SYNE1: variants seen among roughly 807,000 people sequenced by gnomAD.
SYNE1 encodes spectrin repeat containing nuclear envelope protein 1.
A neutral mutation model predicts 1,111.0 loss-of-function variants in SYNE1; 616 were observed. The observed-to-expected ratio is 0.55, with a 90% CI of 0.52 to 0.59. The LOEUF (loss-of-function observed/expected upper bound fraction) is 0.59, where lower values mean the gene tolerates loss of function less well. Among genes scored for constraint, SYNE1 ranks in the 20% least tolerant of loss-of-function variants. The probability of loss-of-function intolerance (pLI) is 0.00; values close to 1 mark genes in which losing one functional copy is unlikely to be tolerated. For missense variants in SYNE1, 10,006 were observed against 10,417.0 expected (o/e 0.96, Z 1.72); for synonymous variants, 3,855 against 3,825.8 (o/e 1.01, Z -0.28).
chr6:152,261,934 T>C, intron 101 of SYNE1, 98 bp downstream of exon 101: 1 of 1,027,540 alleles, frequency 9.7e-7, no homozygotes, highest in Non-Finnish European at 1.4e-6. Flanking sequence ...TAGTTTGAAA[T>C]TGATCATGAA....
In SYNE1 at chr6:152,328,379, AT is replaced by A. The variant is rs1554460764; in HGVS notation, c.14955+1350del. On this transcript the variant is annotated intron_variant, in intron 78 of 145. Transcript: ENST00000367255. ...GGCACTATTTTTCTCTTCTTATTTT[AT>A]TTTATTTATTTATTTATTTATTTAT... Among the ~76,000 whole-genome samples the A allele has an allele frequency of 3.7e-3, 455 of 122,178 alleles. 4 individuals are homozygous for A. Among genetic ancestry groups the A allele is most frequent in the African/African-American group, 0.012 (409 of 34,398 alleles). 80.2% of individuals were successfully genotyped at this position (122,178 alleles called of 152,430 possible). A position where few individuals can be genotyped will look rare whatever the true frequency, so the allele number is the denominator to read the frequency against.
intron 31 of SYNE1, among the ~76,000 whole-genome samples, chr6:152,441,814 T>C (rs188920159): frequency 6.6e-6 from 1 of 152,368 alleles, no homozygotes; most frequent in East Asian, 1.9e-4. Flanking sequence ...ATCCTGGCTT[T>C]ATTATTGATC....
At chr6:152,570,520 C>A (rs948169324) in intron 3 of SYNE1, among the ~76,000 whole-genome samples, 1 of 152,156 alleles carries the variant, frequency 6.6e-6, no homozygotes, top group African/African-American at 2.4e-5. Flanking sequence ...CAACTTGACC[C>A]TTTTGGGGAG....
intron 138 of SYNE1, 28 bp from the exon 139 acceptor site, chr6:152,141,357 G>A: frequency 1.2e-6 from 2 of 1,612,832 alleles, no homozygotes; most frequent in Non-Finnish European, 1.7e-6. Context: ...ACCGGCCCCT[G>A]TCACCCAAAT....
At chr6:152,401,466 C>A in intron 46 of SYNE1, 125 bp from the exon 47 acceptor site, 3 of 924,736 alleles carry the variant, frequency 3.2e-6, no homozygotes, top group East Asian at 2.6e-5. Flanking sequence ...AAGCCAGCTC[C>A]AATGTTAATA....
chr6:152,405,190 A>G (rs1224116812), intron 45 of SYNE1, among the ~76,000 whole-genome samples: 2 of 152,192 alleles, frequency 1.3e-5, no homozygotes, highest in African/African-American at 4.8e-5. Context: ...TTTATTAGCT[A>G]GTGTGTCACA....
chr6:152,620,365 A>T (rs981865498), intron 3 of SYNE1, among the ~76,000 whole-genome samples: 2 of 152,096 alleles, frequency 1.3e-5, no homozygotes, highest in Non-Finnish European at 2.9e-5. Context: ...CACAGCTTTA[A>T]ACACTATCTC....
intron 3 of SYNE1, among the ~76,000 whole-genome samples, chr6:152,621,433 T>G (rs768379887): frequency 6.6e-6 from 1 of 152,208 alleles, no homozygotes; most frequent in Non-Finnish European, 1.5e-5. Flanking sequence ...ACACTCTTAC[T>G]TTTAGAGGCC....
Position 152,551,207 on chromosome 6 carries a change from C to T in SYNE1, c.68-11186G>A, listed in dbSNP as rs74888217. On this transcript the variant is annotated intron_variant, in intron 3 of 145. Coordinates refer to ENST00000367255, the MANE Select transcript of SYNE1 (RefSeq NM_182961.4). ...CTTGAACTTATTCATGTTTTGTATA[C>T]ATTTCTCATTTGGATTCTCACAAAT... 8.9e-4 allele frequency among the ~76,000 whole-genome samples: 136 copies of T among 152,244 alleles called. 1 individual carries two copies. Among genetic ancestry groups the T allele is most frequent in the Middle Eastern group, 3.4e-3 (1 of 294 alleles).
intron 123 of SYNE1, among the ~76,000 whole-genome samples, chr6:152,212,587 A>T (rs1385295779): frequency 6.6e-6 from 1 of 152,186 alleles, no homozygotes. Context: ...CCTATAAATA[A>T]TGTACTTACA....
chr6:152,376,599 A>T, intron 57 of SYNE1, 41 bp from the exon 58 acceptor site: 1 of 1,608,238 alleles, frequency 6.2e-7, no homozygotes, highest in Non-Finnish European at 8.5e-7. Context: ...GGAAAAAGCG[A>T]TAAAGTTGAT....
At chr6:152,589,591 C>A (rs552330425) in intron 3 of SYNE1, among the ~76,000 whole-genome samples, 32 of 152,254 alleles carry the variant, frequency 2.1e-4, no homozygotes, top group African/African-American at 7.7e-4. Context: ...GTCAACATTT[C>A]ATCCATCAAT....
In SYNE1 at chr6:152,443,073, C is replaced by T. The variant is rs142864635; in HGVS notation, c.3838-828G>A. Among the ~76,000 whole-genome samples the T allele has an allele frequency of 3.0e-3, 463 of 152,214 alleles. 6 individuals carry two copies. The highest frequency in any genetic ancestry group is 9.7e-3 in the African/African-American group (402 of 41,526). On this transcript the variant is annotated intron_variant, in intron 30 of 145. Coordinates refer to ENST00000367255, the MANE Select transcript of SYNE1 (RefSeq NM_182961.4). Reference sequence around the variant, plus strand: ...AGTATAATCTTCAAATAGAATAGTACATAAATCTCAGATATGCAGCTTATA... The same window carrying T: ...AGTATAATCTTCAAATAGAATAGTATATAAATCTCAGATATGCAGCTTATA...
Position 152,321,344 on chromosome 6 carries a change from A to AT in SYNE1, c.16129dup (p.Met5377AsnfsTer19). 6.2e-7 allele frequency: 1 copy of AT among 1,613,878 alleles called. No homozygotes were observed. Among genetic ancestry groups the AT allele is most frequent in the Non-Finnish European group, 8.5e-7 (1 of 1,179,908 alleles). On this transcript the variant is annotated frameshift_variant, in exon 84 of 146. Transcript: ENST00000367255. LOFTEE classifies it high-confidence loss of function. Reference sequence around the variant, plus strand: ...GTACTTCTCCTTCTGTTCTTCTGCCATTTTTTCAATGTTCTGTCGGTGATT... The same window carrying AT: ...GTACTTCTCCTTCTGTTCTTCTGCCATTTTTTTCAATGTTCTGTCGGTGATT...
intron 59 of SYNE1, among the ~76,000 whole-genome samples, chr6:152,370,077 C>T (rs1052003614): frequency 3.3e-5 from 5 of 149,366 alleles, no homozygotes; most frequent in Admixed American, 3.3e-4. Flanking sequence ...GGCACAAACA[C>T]AATTTTTGAA....
intron 140 of SYNE1, 93 bp from the exon 141 acceptor site, chr6:152,136,911 A>G: frequency 1.1e-5 from 15 of 1,424,632 alleles, no homozygotes; most frequent in Non-Finnish European, 1.5e-5. Flanking sequence ...AGATCCATTA[A>G]TTTAAACTGG....
chr6:152,462,224 T>A (rs1307424641), intron 20 of SYNE1, among the ~76,000 whole-genome samples: 1 of 152,054 alleles, frequency 6.6e-6, no homozygotes, highest in East Asian at 1.9e-4. Context: ...TATCTATACA[T>A]CATTAAGTTT....
At chr6:152,450,503 G>C (rs1009068236) in intron 27 of SYNE1, 122 bp downstream of exon 27, 1 of 1,001,158 alleles carries the variant, frequency 1.0e-6, no homozygotes, top group Admixed American at 1.7e-5. Context: ...TTAAATGAAG[G>C]ATTTTTGTAC....
At chr6:152,495,481 T>C (rs759733615) in intron 11 of SYNE1, among the ~76,000 whole-genome samples, 1 of 152,218 alleles carries the variant, frequency 6.6e-6, no homozygotes, top group Admixed American at 6.5e-5. Flanking sequence ...AGAATCAATA[T>C]GTCAGTAGGT....
Sources: gnomAD v4.1 joint callset for allele counts (sites outside exome capture counted in the v4.1 genomes callset) on GRCh38, gnomAD v4.1.1 for gene constraint, MANE v1.5 for transcripts, NCBI Gene and HGNC (gene_info 2026-07-23, HGNC 2026-07-21) for gene names.